GRIP1: variants seen among roughly 807,000 people sequenced by gnomAD.
GRIP1 encodes the protein glutamate receptor-interacting protein 1.
In GRIP1, 45 loss-of-function variants were observed where a neutral mutation model predicts 129.9. The observed-to-expected ratio is 0.35, with a 90% confidence interval of 0.27 to 0.44. The LOEUF is 0.44. Among genes scored for constraint, GRIP1 ranks in the 20% least tolerant of loss-of-function variants. The pLI is 1.00. For synonymous variants in GRIP1, 530 were observed against 520.8 expected, an observed-to-expected ratio of 1.02 and a Z score of -0.24; for missense variants, 1,196 against 1,396.8, an observed-to-expected ratio of 0.86 and a Z score of 2.29.
rs1246584729 is a variant in GRIP1 at position 66,348,761 on chromosome 12, G to T, written c.*258C>A. Reference sequence around the variant, plus strand: ...CCTCTGATGTTAATTGTAGAGTTGTGGGGGACGGCCTATTTTTCTCTACCG... The same window carrying T: ...CCTCTGATGTTAATTGTAGAGTTGTTGGGGACGGCCTATTTTTCTCTACCG... On this transcript the variant is annotated 3_prime_UTR_variant, in exon 25 of 25. Coordinates refer to ENST00000359742, the MANE Select transcript of GRIP1 (RefSeq NM_001366722.1). 4.0e-6 allele frequency: 2 copies of T among 505,222 alleles called. No individual in the cohort carries two copies. The highest frequency in any genetic ancestry group is 3.8e-5 in the African/African-American group (2 of 52,322). 31.3% of individuals were successfully genotyped at this position (505,222 alleles called of 1,614,324 possible).
chr12:66,377,395 T>C (rs2055848388), intron 20 of GRIP1, 110 bp from the exon 21 acceptor site: 23 of 761,814 alleles, frequency 3.0e-5, no homozygotes, highest in Non-Finnish European at 2.3e-6. Flanking sequence ...TGGCGCAATC[T>C]CGGCTCACTG....
chr12:66,839,126 A>T (rs1283045751), intron 1 of GRIP1, among the ~76,000 whole-genome samples: 3 of 152,192 alleles, frequency 2.0e-5, no homozygotes, highest in African/African-American at 7.2e-5. Context: ...TTCCCAACAG[A>T]TTCATATTTC....
intron 1 of GRIP1, among the ~76,000 whole-genome samples, chr12:66,657,868 A>G (rs1274001728): frequency 6.6e-6 from 1 of 152,190 alleles, no homozygotes. Flanking sequence ...GAGGGATTCT[A>G]TTTTAGGGGA....
rs542712706 is a variant in GRIP1, at chr12:66,866,982, G to A, written c.58+202068C>T. On this transcript the variant is annotated intron_variant, in intron 1 of 1. Coordinates refer to the GRIP1 transcript ENST00000643019. The stretch of plus-strand genomic sequence containing the variant: ...AAGAATAGGGCAGTTATTTCATATT[G>A]TATATTTTATTTATTTTTTATATCG... Among the ~76,000 whole-genome samples, 659 of 152,064 alleles carry A rather than the reference G, an allele frequency of 4.3e-3. 4 individuals carry two copies. Among genetic ancestry groups the A allele is most frequent in the Non-Finnish European group, 7.3e-3 (497 of 67,922 alleles).
intron 1 of GRIP1, among the ~76,000 whole-genome samples, chr12:66,729,863 C>T (rs113152738): frequency 0.01 from 1,594 of 152,242 alleles, 32 homozygotes; most frequent in African/African-American, 0.036. Context: ...AGTGAGCCAC[C>T]GCACCCAGCC....
At position 67,028,932 on chromosome 12, in the gene GRIP1, G is replaced by A. The variant is rs114678261; in HGVS notation, c.58+40118C>T. ...TCTAAGCACTAGAGACTTAGCCACC[G>A]TGAAGTCAACAATGAGATTCATCAG... On this transcript the variant is annotated intron_variant, in intron 1 of 1. Transcript: ENST00000643019. Among the ~76,000 whole-genome samples, 1,221 of 151,918 alleles carry A rather than the reference G, an allele frequency of 8.0e-3. 16 individuals are homozygous for A. Among genetic ancestry groups the A allele is most frequent in the African/African-American group, 0.028 (1,161 of 41,438 alleles).
intron 23 of GRIP1, among the ~76,000 whole-genome samples, chr12:66,359,049 C>T (rs1037068625): frequency 2.6e-5 from 4 of 152,144 alleles, no homozygotes; most frequent in East Asian, 1.9e-4. Context: ...CAGGGACCGT[C>T]GCCACCATTC....
intron 7 of GRIP1, among the ~76,000 whole-genome samples, chr12:66,480,640 C>T (rs575698536): frequency 4.4e-4 from 67 of 152,314 alleles, no homozygotes; most frequent in Admixed American, 8.5e-4. Flanking sequence ...CTGGAGGCAT[C>T]ATGCTATCTG....
chr12:66,872,928 A>C (rs999755308), intron 1 of GRIP1, among the ~76,000 whole-genome samples: 7 of 152,090 alleles, frequency 4.6e-5, no homozygotes, highest in African/African-American at 1.7e-4. Context: ...CCAAAATCTG[A>C]GACTTCATCA....
At chr12:66,937,430 A>C (rs150414199) in intron 1 of GRIP1, among the ~76,000 whole-genome samples, 132 of 152,356 alleles carry the variant, frequency 8.7e-4, no homozygotes, top group Admixed American at 2.9e-3. Context: ...AGAAAAGTGC[A>C]TAACAAATAA....
intron 1 of GRIP1, among the ~76,000 whole-genome samples, chr12:66,954,368 T>C (rs2137505114): frequency 6.6e-6 from 1 of 152,336 alleles, no homozygotes; most frequent in Non-Finnish European, 1.5e-5. Flanking sequence ...CTCTTTTAGC[T>C]ACACAGTCCT....
intron 1 of GRIP1, among the ~76,000 whole-genome samples, chr12:66,887,587 C>T (rs1475786866): frequency 6.6e-6 from 1 of 152,166 alleles, no homozygotes. Flanking sequence ...ATATTTACAA[C>T]AGATATTTAT....
chr12:66,695,255 C>T (rs1447187204), intron 1 of GRIP1, among the ~76,000 whole-genome samples: 2 of 149,978 alleles, frequency 1.3e-5, no homozygotes, highest in African/African-American at 5.0e-5. Context: ...ACTGCTGACC[C>T]AGCATGCAAT....
At chr12:66,546,592 T>C (rs78182310) in intron 2 of GRIP1, among the ~76,000 whole-genome samples, 2 of 152,114 alleles carry the variant, frequency 1.3e-5, no homozygotes, top group Non-Finnish European at 2.9e-5. Context: ...AAATATGACA[T>C]ACTGTTTTTT....
In GRIP1 at chr12:66,725,978, T is replaced by C. The variant is rs186215180; in HGVS notation, c.-420+78075A>G. Among the ~76,000 whole-genome samples the C allele has an allele frequency of 5.3e-5, 8 of 152,230 alleles. No individual in the cohort carries two copies. The East Asian group carries it at 1.5e-3, about 29-fold the overall frequency. On this transcript the variant is annotated intron_variant, in intron 1 of 4. Coordinates refer to the GRIP1 transcript ENST00000538373. ...TTCCCAAGATCACAAAGTGAATAAA[T>C]AGCATTGTCAAAACCAGAAACAGAT...
chr12:66,397,272 G>A (rs1038539175), intron 16 of GRIP1, among the ~76,000 whole-genome samples: 1 of 152,052 alleles, frequency 6.6e-6, no homozygotes, highest in African/African-American at 2.4e-5. Flanking sequence ...AGCACTTTGG[G>A]AGGCCAAAGT....
intron 23 of GRIP1, among the ~76,000 whole-genome samples, chr12:66,370,399 G>A (rs941258415): frequency 2.0e-5 from 3 of 152,204 alleles, no homozygotes; most frequent in African/African-American, 7.2e-5. Flanking sequence ...ACCCAGGATT[G>A]GAACACAAAG....
chr12:66,720,920 G>A (rs1309541007), intron 1 of GRIP1, among the ~76,000 whole-genome samples: 2 of 152,160 alleles, frequency 1.3e-5, no homozygotes, highest in Non-Finnish European at 2.9e-5. Flanking sequence ...TGTTCTGACT[G>A]CCATCTAGAA....
intron 1 of GRIP1, among the ~76,000 whole-genome samples, chr12:66,942,288 AT>A (rs5798847): frequency 8.1e-4 from 121 of 149,204 alleles, no homozygotes; most frequent in African/African-American, 2.8e-3. Context: ...TTCTGTTCTT[AT>A]TTTTTTTTTC....
Sources: gnomAD v4.1 joint callset for allele counts (sites outside exome capture counted in the v4.1 genomes callset) on GRCh38, gnomAD v4.1.1 for gene constraint, MANE v1.5 for transcripts, NCBI Gene and HGNC (gene_info 2026-07-23, HGNC 2026-07-21) for gene names.